FMN1: variants seen among roughly 807,000 people sequenced by gnomAD.
FMN1 encodes formin 1, also known as formin-1.
In FMN1, 110 loss-of-function variants were observed where a neutral mutation model predicts 132.4. That is an observed-to-expected ratio of 0.83 (90% CI 0.71 to 0.97). The LOEUF is 0.97. Ranked by LOEUF, FMN1 falls within the 50% of genes least tolerant of loss-of-function variation. The pLI is 0.00. For synonymous variants in FMN1, 722 were observed against 651.7 expected (o/e 1.11, Z -1.64); for missense variants, 1,792 against 1,705.3 (o/e 1.05, Z -0.90).
intron 6 of FMN1, among the ~76,000 whole-genome samples, chr15:33,061,628 T>C (rs1254583350): frequency 1.3e-5 from 2 of 151,586 alleles, no homozygotes; most frequent in Non-Finnish European, 2.9e-5. Flanking sequence ...TATAAGGAAA[T>C]CCAAAAACAT....
intron 16 of FMN1, among the ~76,000 whole-genome samples, chr15:32,866,975 C>T (rs2059406833): frequency 6.6e-6 from 1 of 152,178 alleles, no homozygotes; most frequent in Non-Finnish European, 1.5e-5. Flanking sequence ...CATAAGGCTG[C>T]TCCTCCTCCC....
chr15:32,864,090 T>C (rs368591763), intron 16 of FMN1, among the ~76,000 whole-genome samples: 3 of 152,364 alleles, frequency 2.0e-5, no homozygotes, highest in Admixed American at 6.5e-5. Flanking sequence ...GAAGGTACTA[T>C]TTTGTGGCTA....
intron 7 of FMN1, among the ~76,000 whole-genome samples, chr15:32,989,802 A>G (rs952927087): frequency 9.2e-5 from 14 of 152,190 alleles, no homozygotes; most frequent in African/African-American, 3.1e-4. Flanking sequence ...CCAGATTAAC[A>G]TAATTTGGTA....
intron 5 of FMN1, among the ~76,000 whole-genome samples, chr15:33,082,572 T>TC (rs1453795988): frequency 1.3e-5 from 2 of 152,172 alleles, no homozygotes; most frequent in Non-Finnish European, 2.9e-5. Flanking sequence ...GCACTTGTTA[T>TC]AAGAATTTAG....
intron 3 of FMN1, among the ~76,000 whole-genome samples, chr15:33,171,651 T>TA (rs1483316119): frequency 6.6e-6 from 1 of 152,190 alleles, no homozygotes; most frequent in Non-Finnish European, 1.5e-5. Flanking sequence ...GGTTTTTTTT[T>TA]AAATCTTAAT....
intron 9 of FMN1, among the ~76,000 whole-genome samples, chr15:32,938,554 T>C (rs1014565929): frequency 1.3e-5 from 2 of 152,132 alleles, no homozygotes; most frequent in Non-Finnish European, 2.9e-5. Flanking sequence ...ATTTTGTCAA[T>C]TGTTAAGAAT....
chr15:32,822,051 TGAA>T (rs1341250686), intron 17 of FMN1, among the ~76,000 whole-genome samples: 5 of 152,166 alleles, frequency 3.3e-5, no homozygotes, highest in Admixed American at 2.6e-4. Context: ...ATTTTCAACT[TGAA>T]GAAGTACAAC....
chr15:32,920,620 T>C (rs2060797986), intron 10 of FMN1, among the ~76,000 whole-genome samples: 1 of 152,176 alleles, frequency 6.6e-6, no homozygotes, highest in African/African-American at 2.4e-5. Flanking sequence ...AGCTGAGATG[T>C]TTCCACTCAT....
At chr15:32,987,247 G>A (rs1243245000) in intron 7 of FMN1, among the ~76,000 whole-genome samples, 1 of 152,112 alleles carries the variant, frequency 6.6e-6, no homozygotes, top group African/African-American at 2.4e-5. Context: ...GAAACCACAT[G>A]ACCGCTGTAG....
intron 6 of FMN1, among the ~76,000 whole-genome samples, chr15:33,010,933 G>T (rs901305954): frequency 2.0e-5 from 3 of 151,912 alleles, no homozygotes; most frequent in African/African-American, 7.2e-5. Flanking sequence ...AAAGACAAGT[G>T]GGCAAGCCAT....
chr15:33,014,289 CT>C (rs1400954251), intron 6 of FMN1, among the ~76,000 whole-genome samples: 2 of 152,188 alleles, frequency 1.3e-5, no homozygotes, highest in African/African-American at 4.8e-5. Context: ...CCCCCAGATG[CT>C]TCTTGAGGCT....
intron 17 of FMN1, among the ~76,000 whole-genome samples, chr15:32,827,317 G>A (rs1024139085): frequency 3.3e-5 from 5 of 152,016 alleles, no homozygotes; most frequent in African/African-American, 2.4e-5. Context: ...AGTTTGTGGC[G>A]GTAAGGCCCA....
chr15:33,171,542 A>G (rs1238117332), intron 3 of FMN1, among the ~76,000 whole-genome samples: 1 of 152,236 alleles, frequency 6.6e-6, no homozygotes, highest in African/African-American at 2.4e-5. Context: ...GTTTCAGGAA[A>G]TGCCAACATT....
intron 4 of FMN1, chr15:33,151,484 A>G: frequency 8.7e-7 from 1 of 1,149,570 alleles, no homozygotes; most frequent in Non-Finnish European, 1.2e-6. Context: ...GTCAGTCTCC[A>G]ACAGAAACTG....
chr15:33,059,957 T>A (rs2037410428), intron 6 of FMN1, among the ~76,000 whole-genome samples: 1 of 152,182 alleles, frequency 6.6e-6, no homozygotes, highest in South Asian at 2.1e-4. Context: ...GTTGGGAGAG[T>A]CAGTCTCCTC....
At chr15:33,060,344 A>G (rs1362005277) in intron 6 of FMN1, among the ~76,000 whole-genome samples, 8 of 152,244 alleles carry the variant, frequency 5.3e-5, no homozygotes, top group African/African-American at 1.7e-4. Flanking sequence ...CAAGGTGTTT[A>G]TAACTCTCTT....
intron 3 of FMN1, among the ~76,000 whole-genome samples, chr15:33,157,793 CCAGTCTGGGGAA>C (rs1318855185): frequency 6.6e-6 from 1 of 151,918 alleles, no homozygotes; most frequent in Non-Finnish European, 1.5e-5. Context: ...GAATTTGAGA[CCAGTCTGGGGAA>C]CATAGTGAAA....
At chr15:32,863,035 G>A (rs533421720) in intron 16 of FMN1, among the ~76,000 whole-genome samples, 15 of 152,290 alleles carry the variant, frequency 9.8e-5, no homozygotes, top group Non-Finnish European at 1.9e-4. Context: ...TTTTACTAAA[G>A]CAAATTCTTG....
At chr15:32,868,988 G>A (rs1335270902) in intron 16 of FMN1, among the ~76,000 whole-genome samples, 1 of 152,188 alleles carries the variant, frequency 6.6e-6, no homozygotes, top group Admixed American at 6.5e-5. Context: ...GACTGGGCCA[G>A]GAGTTAGTAG....
Sources: gnomAD v4.1 joint callset for allele counts (sites outside exome capture counted in the v4.1 genomes callset) on GRCh38, gnomAD v4.1.1 for gene constraint, MANE v1.5 for transcripts, NCBI Gene and HGNC (gene_info 2026-07-23, HGNC 2026-07-21) for gene names.